Variants in DCUN1D2 observed in about 807,000 individuals in gnomAD.
The protein encoded by DCUN1D2 is defective in cullin neddylation 1 domain containing 2.
In DCUN1D2, 29 loss-of-function variants were observed where a neutral mutation model predicts 30.9. The observed-to-expected ratio is 0.94, with a 90% CI of 0.70 to 1.28. The LOEUF is 1.28. Among genes scored for constraint, DCUN1D2 ranks in the 50% most tolerant of loss-of-function variants. The pLI is 0.00. For missense variants in DCUN1D2, 325 were observed against 316.9 expected, an observed-to-expected ratio of 1.03 and a Z score of -0.19; for synonymous variants, 121 against 115.3, an observed-to-expected ratio of 1.05 and a Z score of -0.32.
At chr13:113,489,099 G>C (rs765379405) in intron 1 of DCUN1D2, 1 of 985,302 alleles carries the variant, frequency 1.0e-6, no homozygotes, top group Non-Finnish European at 1.2e-6. Flanking sequence ...CCCGGGGCTG[G>C]CGGGCCAATC....
In DCUN1D2 at chr13:113,490,652, C is replaced by G. The variant is rs1431165818; in HGVS notation, c.3+15G>C. On this transcript the variant is annotated intron_variant, in intron 1 of 6. Coordinates refer to ENST00000478244, the MANE Select transcript of DCUN1D2 (RefSeq NM_001014283.2). The surrounding 1 kb of genome is among the most constrained non-coding windows in gnomAD (Gnocchi z 5.2). ...CCCCGACCCCGACGGGCAGAGGCGA[C>G]GCCGGGCCACCTACCATCTCCCCCG... The G allele has an allele frequency of 2.7e-5, 33 of 1,245,266 alleles. No individual in the cohort carries two copies. The highest frequency in any genetic ancestry group is 3.1e-5 in the Non-Finnish European group (31 of 994,582). The allele number at this position is 1,245,266 out of a possible 1,614,324, so 77.1% of individuals were successfully genotyped here.
At chr13:113,485,077 C>CAATAAATAAATAAATAAATA (rs58781524) in intron 1 of DCUN1D2, among the ~76,000 whole-genome samples, 47 of 148,582 alleles carry the variant, frequency 3.2e-4, no homozygotes, top group African/African-American at 1.0e-3. Flanking sequence ...GACTCTATCT[C>CAATAAATAAATAAATAAATA]AATAAATAAA....
In DCUN1D2 at chr13:113,488,589, TA is replaced by T. The variant is rs2044848573; in HGVS notation, c.3+2077del. ...GAAGCCGAGTCCCTCTAGACAGGACTAAACCCAGATCAAATTTACAAAGGCC... is the reference window on the plus strand; with the variant it reads ...GAAGCCGAGTCCCTCTAGACAGGACTAACCCAGATCAAATTTACAAAGGCC... On this transcript the variant is annotated intron_variant, in intron 1 of 6. Coordinates refer to ENST00000478244, the MANE Select transcript of DCUN1D2 (RefSeq NM_001014283.2). The surrounding 1 kb of genome is among the most constrained non-coding windows in gnomAD (Gnocchi z 4.3). Among the ~76,000 whole-genome samples the T allele has an allele frequency of 3.3e-5, 5 of 152,330 alleles. No individual in the cohort carries two copies. The South Asian group carries it at 1.0e-3, about 32-fold the overall frequency.
chr13:113,472,763 G>A (rs1158052562), intron 4 of DCUN1D2, among the ~76,000 whole-genome samples: 2 of 152,242 alleles, frequency 1.3e-5, no homozygotes, highest in East Asian at 1.9e-4. Flanking sequence ...CCTAGGTGCC[G>A]CATGCGGCAG....
At position 113,455,861 on chromosome 13, in the gene DCUN1D2, C is replaced by T; in HGVS notation, c.*2168G>A. On this transcript the variant is annotated 3_prime_UTR_variant, in exon 7 of 7. Transcript: ENST00000478244. ...TAATGCTTCTGTTCTCAGCATTTCACAGCATGCAGGACTCAAATGGATACA... is the reference window on the plus strand; with the variant it reads ...TAATGCTTCTGTTCTCAGCATTTCATAGCATGCAGGACTCAAATGGATACA... 1 of 187,896 alleles carries T rather than the reference C, an allele frequency of 5.3e-6. No homozygotes were observed. 11.6% of individuals were successfully genotyped at this position (187,896 alleles called of 1,614,324 possible).
intron 4 of DCUN1D2, among the ~76,000 whole-genome samples, chr13:113,470,240 C>A (rs932267365): frequency 3.9e-5 from 6 of 152,184 alleles, no homozygotes; most frequent in African/African-American, 1.4e-4. Flanking sequence ...AGGTTTGTAT[C>A]CCCGGAGCCA....
intron 4 of DCUN1D2, chr13:113,462,719 G>C: frequency 1.0e-6 from 1 of 993,452 alleles, no homozygotes; most frequent in Non-Finnish European, 1.2e-6. Flanking sequence ...CTGAGATATG[G>C]AACAGCTCTC....
At chr13:113,462,321 A>C (rs2139679062) in intron 4 of DCUN1D2, among the ~76,000 whole-genome samples, 1 of 152,018 alleles carries the variant, frequency 6.6e-6, no homozygotes, top group Non-Finnish European at 1.5e-5. Flanking sequence ...ACCTCCTTTA[A>C]TCATGTTGAA....
Position 113,456,307 on chromosome 13 carries a change from C to G in DCUN1D2, c.*1722G>C, listed in dbSNP as rs1290008193. 5.0e-6 allele frequency: 2 copies of G among 398,656 alleles called. No individual in the cohort carries two copies. Among genetic ancestry groups the G allele is most frequent in the Admixed American group, 4.4e-5 (1 of 22,718 alleles). The allele number at this position is 398,656 out of a possible 1,614,324, so 24.7% of individuals were successfully genotyped here. A position where few individuals can be genotyped will look rare whatever the true frequency, so the allele number is the denominator to read the frequency against. On this transcript the variant is annotated 3_prime_UTR_variant, in exon 7 of 7. Transcript: ENST00000478244. ...TGCAGGCTGCAGGTCCCTTCCAGTC[C>G]TGTCCCTGCTGCCCTCTGTGACCAT...
At chr13:113,462,816 G>A (rs941759841) in intron 4 of DCUN1D2, 1 of 1,207,004 alleles carries the variant, frequency 8.3e-7, no homozygotes, top group Non-Finnish European at 1.1e-6. Context: ...TATCACTTAG[G>A]AAGAACATTA....
Position 113,490,704 on chromosome 13 carries a change from C to A in DCUN1D2, c.-35G>T. On this transcript the variant is annotated 5_prime_UTR_variant, in exon 1 of 7. Coordinates refer to ENST00000478244, the MANE Select transcript of DCUN1D2 (RefSeq NM_001014283.2). The surrounding 1 kb of genome is among the most constrained non-coding windows in gnomAD (Gnocchi z 5.2). The stretch of plus-strand genomic sequence containing the variant: ...GCCGCCCGCTTCTGGCCGGCCCCGG[C>A]CTTCTGCGCAGGCGCGGCGGCGGCT... 8.3e-7 allele frequency: 1 copy of A among 1,210,978 alleles called. No homozygotes were observed. The highest frequency in any genetic ancestry group is 3.2e-5 in the South Asian group (1 of 31,176). 75.0% of individuals were successfully genotyped at this position (1,210,978 alleles called of 1,614,324 possible). A position where few individuals can be genotyped will look rare whatever the true frequency, so the allele number is the denominator to read the frequency against.
chr13:113,463,123 C>T (rs2044345196), intron 4 of DCUN1D2: 1 of 166,844 alleles, frequency 6.0e-6, no homozygotes, highest in African/African-American at 2.4e-5. Flanking sequence ...ACAACAAAAA[C>T]AACAACTCAG....
At chr13:113,469,597 C>G (rs2044468581) in intron 4 of DCUN1D2, among the ~76,000 whole-genome samples, 1 of 152,232 alleles carries the variant, frequency 6.6e-6, no homozygotes, top group South Asian at 2.1e-4. Context: ...GGGAGGATCA[C>G]TGAAACCCAG....
At chr13:113,476,888 T>C (rs2044626600) in intron 3 of DCUN1D2, among the ~76,000 whole-genome samples, 1 of 152,206 alleles carries the variant, frequency 6.6e-6, no homozygotes, top group East Asian at 1.9e-4. Context: ...TCTCCCAGTA[T>C]CATTTATTGA....
At chr13:113,470,368 C>T (rs973530975) in intron 4 of DCUN1D2, among the ~76,000 whole-genome samples, 38 of 152,112 alleles carry the variant, frequency 2.5e-4, no homozygotes, top group African/African-American at 6.5e-4. Context: ...CAGAACCTAT[C>T]GCTGCCATTA....
At chr13:113,470,060 A>G (rs2044474876) in intron 4 of DCUN1D2, among the ~76,000 whole-genome samples, 1 of 152,348 alleles carries the variant, frequency 6.6e-6, no homozygotes, top group East Asian at 1.9e-4. Flanking sequence ...GCAGCCACAC[A>G]TGGCATAACA....
In DCUN1D2 at chr13:113,455,866, T is replaced by C. The variant is rs1037658153; in HGVS notation, c.*2163A>G. 5.2e-6 allele frequency: 1 copy of C among 193,496 alleles called. No homozygotes were observed. Among genetic ancestry groups the C allele is most frequent in the Non-Finnish European group, 1.0e-5 (1 of 96,306 alleles). 12.0% of individuals were successfully genotyped at this position (193,496 alleles called of 1,614,324 possible). ...CTTCTGTTCTCAGCATTTCACAGCA[T>C]GCAGGACTCAAATGGATACAACAGA... is the stretch of plus-strand genomic sequence containing the variant. On this transcript the variant is annotated 3_prime_UTR_variant, in exon 7 of 7. Coordinates refer to ENST00000478244, the MANE Select transcript of DCUN1D2 (RefSeq NM_001014283.2).
At chr13:113,472,039 G>A (rs542826620) in intron 4 of DCUN1D2, among the ~76,000 whole-genome samples, 7 of 145,854 alleles carry the variant, frequency 4.8e-5, no homozygotes, top group South Asian at 4.6e-4. Flanking sequence ...CCCCAACCCC[G>A]CCCTTTTCTT....
intron 3 of DCUN1D2, among the ~76,000 whole-genome samples, chr13:113,476,544 T>C (rs2044621138): frequency 6.6e-6 from 1 of 152,204 alleles, no homozygotes; most frequent in South Asian, 2.1e-4. Context: ...ATTCTTTATA[T>C]ATTAAAGATA....
Sources: allele counts gnomAD v4.1 joint callset (sites outside exome capture counted in the v4.1 genomes callset), GRCh38; gene constraint gnomAD v4.1.1; non-coding constraint Gnocchi (gnomAD v3.1); transcripts MANE v1.5; gene names NCBI Gene and HGNC (gene_info 2026-07-23, HGNC 2026-07-21).